Variants in ZGPAT observed in about 807,000 individuals in gnomAD.
ZGPAT encodes the protein zinc finger CCCH-type and G-patch domain containing, also known as zinc finger CCCH-type with G patch domain-containing protein.
In ZGPAT, 39 loss-of-function variants were observed where a neutral mutation model predicts 47.9. That is an observed-to-expected ratio of 0.81 (90% CI 0.63 to 1.06). ZGPAT has a LOEUF of 1.06. Among genes scored for constraint, ZGPAT ranks in the 50% least tolerant of loss-of-function variants. The pLI, the probability that ZGPAT is intolerant of heterozygous loss-of-function variation, is 0.00. For synonymous variants in ZGPAT, 348 were observed against 292.9 expected (o/e 1.19, Z -1.92); for missense variants, 717 against 681.4 (o/e 1.05, Z -0.58).
chr20:63,728,377 T>C (rs993178787), intron 2 of ZGPAT, among the ~76,000 whole-genome samples: 2 of 152,174 alleles, frequency 1.3e-5, no homozygotes, highest in African/African-American at 4.8e-5. Context: ...CAGTTGCTTC[T>C]GTGTTTGCAT....
At chr20:63,730,292 AG>A (rs1429427521) in intron 2 of ZGPAT, 1 of 152,190 alleles carries the variant, frequency 6.6e-6, no homozygotes, top group East Asian at 1.9e-4. Context: ...GGTCATTGGC[AG>A]GGCCCTGTGT....
rs745767181 is a variant in ZGPAT, at chr20:63,708,923, G to A, written c.343G>A (p.Ala115Thr). 5 of 1,612,536 alleles carry A rather than the reference G, an allele frequency of 3.1e-6. No homozygotes were observed. The highest frequency in any genetic ancestry group is 4.2e-6 in the Non-Finnish European group (5 of 1,179,806). ...PKAEAGPESA[A>T]GGQEEEEGED... ...AGCAGAGGCGGGGCCAGAATCTGCG[G>A]CAGGTGGGCAGGAGGAGGAAGAGGG... The change falls in exon 2 of 7, where the codon GCA (alanine) becomes ACA (threonine). Residue 115 changes from alanine (A) to threonine (T), a missense_variant. By Grantham distance (58) the Ala-to-Thr change is moderately conservative. Transcript: ENST00000355969.
intron 4 of ZGPAT, 182 bp from the exon 5 acceptor site, chr20:63,734,523 G>C (rs191835395): frequency 1.7e-6 from 2 of 1,207,250 alleles, no homozygotes; most frequent in Admixed American, 2.4e-5. Flanking sequence ...ACGAGAGCAC[G>C]GAGCCCAAGA....
intron 2 of ZGPAT, among the ~76,000 whole-genome samples, chr20:63,718,234 A>G (rs4809330): frequency 0.75 from 113,552 of 151,980 alleles, 43,527 homozygotes; most frequent in African/African-American, 0.9. Context: ...TGATCTCAAG[A>G]CATCCTAATC....
intron 2 of ZGPAT, among the ~76,000 whole-genome samples, chr20:63,721,187 A>G (rs2091783453): frequency 6.6e-6 from 1 of 152,036 alleles, no homozygotes; most frequent in Non-Finnish European, 1.5e-5. Flanking sequence ...CCCTGTCTCT[A>G]CTAAAAATAC....
chr20:63,721,523 C>T (rs2091787834), intron 2 of ZGPAT, among the ~76,000 whole-genome samples: 3 of 152,260 alleles, frequency 2.0e-5, no homozygotes, highest in South Asian at 2.1e-4. Context: ...TTGAGGGCCT[C>T]CTCAGGTGTT....
chr20:63,725,865 T>C (rs1219865581), intron 2 of ZGPAT, among the ~76,000 whole-genome samples: 1 of 151,850 alleles, frequency 6.6e-6, no homozygotes, highest in African/African-American at 2.4e-5. Context: ...GGAGTTTTGC[T>C]TTTGTTGCTG....
chr20:63,734,222 G>A, intron 4 of ZGPAT: 1 of 249,890 alleles, frequency 4.0e-6, no homozygotes, highest in Non-Finnish European at 7.8e-6. Flanking sequence ...GCGTGTGTGT[G>A]TATATATGTG....
Position 63,717,957 on chromosome 20 carries a change from C to T in ZGPAT, c.584+8793C>T, listed in dbSNP as rs370856519. Among the ~76,000 whole-genome samples the T allele has an allele frequency of 1.2e-3, 176 of 152,154 alleles. 5 individuals carry two copies. In the South Asian group the frequency reaches 0.033, roughly 28 times the overall value. ...ACTCAGGAGGCTGAGGCAGGAGAAT[C>T]GCTTGAACCTGGGAGGCAGAGGTTG... is the stretch of plus-strand genomic sequence containing the variant. On this transcript the variant is annotated intron_variant, in intron 2 of 6. Transcript: ENST00000355969.
In ZGPAT at chr20:63,733,594, C is replaced by G; in HGVS notation, c.726C>G (p.Asp242Glu). ...GCTTGTCTCTGCCCCCAGATGTGGA[C>G]AACGGCTACTACACAGTCAAGTTTG... ...LWHAARITDV[D>E]NGYYTVKFDS... Residue 242 changes from aspartate to glutamate, a missense_variant, in exon 4 of 7, where the codon GAC (aspartate) becomes GAG (glutamate). Coordinates refer to ENST00000355969, the MANE Select transcript of ZGPAT (RefSeq NM_181485.3). 1.2e-6 allele frequency: 2 copies of G among 1,614,140 alleles called. No homozygotes were observed. Among genetic ancestry groups the G allele is most frequent in the Non-Finnish European group, 1.7e-6 (2 of 1,180,046 alleles).
Position 63,709,149 on chromosome 20 carries a change from T to G in ZGPAT, c.569T>G (p.Phe190Cys). 2 of 1,610,850 alleles carry G rather than the reference T, an allele frequency of 1.2e-6. No individual in the cohort carries two copies. Among genetic ancestry groups the G allele is most frequent in the East Asian group, 2.2e-5 (1 of 44,884 alleles). The change falls in exon 2 of 7, where the codon TTT (phenylalanine) becomes TGT (cysteine). Residue 190 changes from phenylalanine (F) to cysteine (C), a missense_variant. By Grantham distance (205) the Phe-to-Cys change is radical (BLOSUM62 -2). Transcript: ENST00000355969. ...CPFFLEGKCRFKENCRFSHGQ... is the reference protein window; with the variant it reads ...CPFFLEGKCRCKENCRFSHGQ... ...TTCTTCCTGGAGGGAAAGTGCCGCT[T>G]TAAGGAGAACTGCAGGTAAAGCCCT...
chr20:63,708,355 A>G (rs1601306398), intron 1 of ZGPAT, among the ~76,000 whole-genome samples, 198 bp from the exon 2 acceptor site: 1 of 151,850 alleles, frequency 6.6e-6, no homozygotes, highest in East Asian at 1.9e-4. Context: ...GGACCCGGCT[A>G]GCGGCGAGCC....
intron 2 of ZGPAT, among the ~76,000 whole-genome samples, chr20:63,717,332 C>CTTTTTTTTTTTTTTTTTT (rs1173734420): frequency 8.4e-4 from 51 of 60,974 alleles, no homozygotes; most frequent in East Asian, 1.7e-3. Context: ...TTTTTCTTTT[C>CTTTTTTTTTTTTTTTTTT]TTTTTTTTTT....
intron 4 of ZGPAT, chr20:63,733,985 T>C (rs2091949854): frequency 5.5e-6 from 3 of 547,624 alleles, no homozygotes; most frequent in Admixed American, 7.1e-5. Flanking sequence ...GCTGTGGCCA[T>C]GGGAGAGGAG....
At chr20:63,715,673 C>T (rs1385480970) in intron 2 of ZGPAT, among the ~76,000 whole-genome samples, 1 of 152,086 alleles carries the variant, frequency 6.6e-6, no homozygotes, top group African/African-American at 2.4e-5. Flanking sequence ...CTTTTCTTGG[C>T]ATGTCTTTGT....
chr20:63,723,326 TCTC>T (rs2145668979), intron 2 of ZGPAT, among the ~76,000 whole-genome samples: 1 of 125,032 alleles, frequency 8.0e-6, no homozygotes, highest in African/African-American at 3.2e-5. Context: ...CATCCTCCCT[TCTC>T]CTATGACACA....
At position 63,735,229 on chromosome 20, in the gene ZGPAT, G is replaced by T. The variant is rs139261348; in HGVS notation, c.1062G>T (p.Leu354=). The stretch of plus-strand genomic sequence containing the variant: ...TGGTGTTGCCTCGAGGGAAGTCGCT[G>T]GACCAGTGTGTGGAGACCCTGCAGA... ...HAVVLPRGKS[L]DQCVETLQKQ... The change falls in exon 6 of 7, where the codon CTG becomes CTT. Residue 354 remains leucine (L), a synonymous_variant. Transcript: ENST00000355969. 6.3e-7 allele frequency: 1 copy of T among 1,587,082 alleles called. No individual in the cohort carries two copies. Among genetic ancestry groups the T allele is most frequent in the African/African-American group, 1.4e-5 (1 of 73,976 alleles).
At chr20:63,728,971 A>T (rs2091870402) in intron 2 of ZGPAT, among the ~76,000 whole-genome samples, 1 of 152,188 alleles carries the variant, frequency 6.6e-6, no homozygotes, top group Non-Finnish European at 1.5e-5. Flanking sequence ...CAGAACTCTG[A>T]AAAGTTCTAA....
chr20:63,715,516 G>A (rs945314379), intron 2 of ZGPAT, among the ~76,000 whole-genome samples: 4 of 152,136 alleles, frequency 2.6e-5, no homozygotes, highest in African/African-American at 9.7e-5. Context: ...TGGGATTACA[G>A]GCGTGAGCCA....
Sources: gnomAD v4.1 joint callset for allele counts (sites outside exome capture counted in the v4.1 genomes callset) on GRCh38, gnomAD v4.1.1 for gene constraint, MANE v1.5 for transcripts, NCBI Gene and HGNC (gene_info 2026-07-23, HGNC 2026-07-21) for gene names.